The following TAF2 variants were observed in gnomAD, a reference collection of about 807,000 sequenced individuals.
TAF2 encodes TATA-box binding protein associated factor 2.
A neutral mutation model predicts 138.5 loss-of-function variants in TAF2; 61 were observed. That is an observed-to-expected ratio of 0.44 (90% CI 0.36 to 0.54). The LOEUF (loss-of-function observed/expected upper bound fraction) is 0.54, where lower values mean the gene tolerates loss of function less well. TAF2 is among the 20% of genes least tolerant of loss of function. TAF2 has a pLI of 0.00. For synonymous variants in TAF2, 475 were observed against 469.9 expected (o/e 1.01, Z -0.14); for missense variants, 1,090 against 1,427.9 (o/e 0.76, Z 3.81).
chr8:119,765,457 A>C (rs915333049), intron 18 of TAF2, among the ~76,000 whole-genome samples: 2 of 152,158 alleles, frequency 1.3e-5, no homozygotes, highest in African/African-American at 4.8e-5. Flanking sequence ...CCCTTGGGTT[A>C]AGGAGACAAC....
chr8:119,742,692 T>C, intron 24 of TAF2, 36 bp from the exon 25 acceptor site: 1 of 1,609,752 alleles, frequency 6.2e-7, no homozygotes, highest in South Asian at 1.1e-5. Context: ...GAGGGATTTA[T>C]TTCTTTGTTT....
chr8:119,819,249 A>G (rs1825675259), intron 3 of TAF2, 97 bp downstream of exon 3: 1 of 1,314,700 alleles, frequency 7.6e-7, no homozygotes, highest in Admixed American at 1.8e-5. Context: ...CCCATTAACG[A>G]TCCAAAAAAA....
At chr8:119,821,390 C>A (rs1381368388) in intron 2 of TAF2, among the ~76,000 whole-genome samples, 2 of 152,192 alleles carry the variant, frequency 1.3e-5, no homozygotes, top group Non-Finnish European at 2.9e-5. Context: ...GCTTTTCAAC[C>A]TTTTCTAAAA....
Position 119,749,206 on chromosome 8 carries a change from T to C in TAF2, c.2879-2272A>G, listed in dbSNP as rs566615752. On this transcript the variant is annotated intron_variant, in intron 22 of 25. Transcript: ENST00000378164. ...GCTTAAGGATGATTAGGCAGCACAG[T>C]AAAGGCTGCTAAGTGCACTGAAGCC... 1.1e-4 allele frequency among the ~76,000 whole-genome samples: 17 copies of C among 152,344 alleles called. 2 individuals carry two copies. The South Asian group carries it at 3.3e-3, about 30-fold the overall frequency.
At position 119,793,474 on chromosome 8, in the gene TAF2, A is replaced by G. The variant is rs1161036491; in HGVS notation, c.1192-23T>C. 4 of 1,574,154 alleles carry G rather than the reference A, an allele frequency of 2.5e-6. No individual in the cohort carries two copies. In the African/African-American group the frequency reaches 5.4e-5, roughly 21 times the overall value. On this transcript the variant is annotated intron_variant, in intron 9 of 25. Transcript: ENST00000378164. ...CTCCTAAAAAATATATAAAAATAGG[A>G]GTCAGTAAAATTTGTAAAGTAACAT...
chr8:119,760,030 C>CG (rs111611037), intron 20 of TAF2, among the ~76,000 whole-genome samples: 6 of 109,360 alleles, frequency 5.5e-5, no homozygotes, highest in African/African-American at 3.2e-4. Flanking sequence ...TTCATTTACG[C>CG]CCCCCCAGAG....
chr8:119,821,883 TA>T (rs988101209), intron 2 of TAF2, among the ~76,000 whole-genome samples: 7 of 151,846 alleles, frequency 4.6e-5, no homozygotes, highest in African/African-American at 1.7e-4. Flanking sequence ...CATAAACTAT[TA>T]AAAAATTAGC....
intron 17 of TAF2, among the ~76,000 whole-genome samples, chr8:119,778,462 T>C (rs1482318073): frequency 1.3e-5 from 2 of 152,348 alleles, no homozygotes; most frequent in East Asian, 3.9e-4. Context: ...AGGCACAGAT[T>C]TTAGAATTAC....
At chr8:119,819,712 TC>T (rs1825702042) in intron 2 of TAF2, among the ~76,000 whole-genome samples, 1 of 152,108 alleles carries the variant, frequency 6.6e-6, no homozygotes, top group Non-Finnish European at 1.5e-5. Context: ...TACTTTATCA[TC>T]CTGGTGGTTC....
chr8:119,824,466 TGAG>T (rs1453830231), intron 2 of TAF2, among the ~76,000 whole-genome samples: 7 of 151,578 alleles, frequency 4.6e-5, no homozygotes, highest in Non-Finnish European at 1.0e-4. Flanking sequence ...TCCCATTTTC[TGAG>T]GAGAAGTCCA....
intron 12 of TAF2, among the ~76,000 whole-genome samples, chr8:119,789,386 T>C (rs543326102): frequency 7.9e-5 from 12 of 152,268 alleles, no homozygotes; most frequent in African/African-American, 2.9e-4. Flanking sequence ...TTTACAAATA[T>C]AAACATACAT....
intron 2 of TAF2, among the ~76,000 whole-genome samples, chr8:119,828,538 G>T (rs1433713750): frequency 6.6e-6 from 1 of 152,088 alleles, no homozygotes; most frequent in Non-Finnish European, 1.5e-5. Flanking sequence ...GATATAAACA[G>T]CAGTGAAGGT....
intron 22 of TAF2, 86 bp downstream of exon 22, chr8:119,755,920 T>A: frequency 9.1e-7 from 1 of 1,101,894 alleles, no homozygotes; most frequent in South Asian, 1.3e-5. Context: ...TTACCTTTAG[T>A]TCTAAATGCT....
chr8:119,822,148 A>G (rs1229701392), intron 2 of TAF2, among the ~76,000 whole-genome samples: 1 of 151,830 alleles, frequency 6.6e-6, no homozygotes, highest in Admixed American at 6.6e-5. Flanking sequence ...ATACAGGTAC[A>G]TCATCCTTTA....
rs201171984 is a variant in TAF2 at position 119,806,335 on chromosome 8, T to C, written c.366A>G (p.Gly122=). 6.2e-7 allele frequency: 1 copy of C among 1,614,186 alleles called. No homozygotes were observed. The highest frequency in any genetic ancestry group is 2.2e-5 in the East Asian group (1 of 44,884). ...GAACCTTAATGCAAAGTTCTCCATT[T>C]CCTGCATCAGGGTCCACAGCACTAA... ...AAVSAVDPDA[G]NGELCIKVPS... is the part of the protein sequence containing the mutation. The change falls in exon 4 of 26, where the codon GGA becomes GGG. Residue 122 remains glycine, a synonymous_variant. Transcript: ENST00000378164.
intron 18 of TAF2, among the ~76,000 whole-genome samples, chr8:119,773,670 A>G (rs891474278): frequency 6.6e-6 from 1 of 151,494 alleles, no homozygotes; most frequent in African/African-American, 2.4e-5. Flanking sequence ...CTCAAATTCA[A>G]TAAGCTCCCT....
chr8:119,774,219 G>A (rs1050710384), intron 18 of TAF2, among the ~76,000 whole-genome samples: 4 of 151,942 alleles, frequency 2.6e-5, no homozygotes, highest in Non-Finnish European at 4.4e-5. Flanking sequence ...TACAGATTAA[G>A]CACCTGGAAA....
chr8:119,744,730 G>A, intron 23 of TAF2: 1 of 379,954 alleles, frequency 2.6e-6, no homozygotes, highest in Admixed American at 3.7e-5. Context: ...TTAAATACTT[G>A]GTTCGAATGT....
Position 119,730,812 on chromosome 8 carries a change from A to T in TAF2, c.*1112T>A, listed in dbSNP as rs1587624356. ...TTATTTATTAAACAAGTTAAACACA[A>T]CTAAAAGTATATTTAGAGGTCCAAG... On this transcript the variant is annotated 3_prime_UTR_variant, in exon 26 of 26. Coordinates refer to ENST00000378164, the MANE Select transcript of TAF2 (RefSeq NM_003184.4). The T allele has an allele frequency of 6.6e-6, 1 of 152,214 alleles. No individual in the cohort carries two copies. The highest frequency in any genetic ancestry group is 1.5e-5 in the Non-Finnish European group (1 of 68,038). 9.4% of individuals were successfully genotyped at this position (152,214 alleles called of 1,614,324 possible). A position where few individuals can be genotyped will look rare whatever the true frequency, so the allele number is the denominator to read the frequency against.
Sources: allele counts gnomAD v4.1 joint callset (sites outside exome capture counted in the v4.1 genomes callset), GRCh38; gene constraint gnomAD v4.1.1; transcripts MANE v1.5; gene names NCBI Gene and HGNC (gene_info 2026-07-23, HGNC 2026-07-21).